MEGF9: variants seen among roughly 807,000 people sequenced by gnomAD.
The protein encoded by MEGF9 is multiple EGF like domains 9.
Under a neutral mutation model 46.8 loss-of-function variants are expected in MEGF9, and 6 were observed. That is an observed-to-expected ratio of 0.13 (90% CI 0.07 to 0.25). The LOEUF is 0.25. Among genes scored for constraint, MEGF9 ranks in the 10% least tolerant of loss-of-function variants. The pLI is 1.00. For synonymous variants in MEGF9, 302 were observed against 330.7 expected, an observed-to-expected ratio of 0.91 and a Z score of 0.94; for missense variants, 683 against 792.4, an observed-to-expected ratio of 0.86 and a Z score of 1.66.
intron 2 of MEGF9, among the ~76,000 whole-genome samples, chr9:120,648,627 A>G (rs192722093): frequency 1.3e-3 from 192 of 152,314 alleles, no homozygotes; most frequent in Non-Finnish European, 1.8e-3. Flanking sequence ...TATGGTTGGC[A>G]AATGCAATGT....
At chr9:120,623,762 A>G (rs1184597853) in intron 2 of MEGF9, among the ~76,000 whole-genome samples, 2 of 152,228 alleles carry the variant, frequency 1.3e-5, no homozygotes, top group Non-Finnish European at 1.5e-5. Flanking sequence ...ATGACTCAAT[A>G]AGAAGGAACC....
At chr9:120,650,438 A>G (rs1431148184) in intron 2 of MEGF9, among the ~76,000 whole-genome samples, 1 of 152,254 alleles carries the variant, frequency 6.6e-6, no homozygotes. Context: ...GATACTGTAC[A>G]CCAACTCCTT....
At chr9:120,670,222 G>A (rs529134890) in intron 1 of MEGF9, among the ~76,000 whole-genome samples, 76 of 152,116 alleles carry the variant, frequency 5.0e-4, no homozygotes, top group African/African-American at 1.6e-3. Context: ...TCAGCCTCCC[G>A]AGTAGCTGGG....
At chr9:120,688,561 C>A (rs2043834639) in intron 1 of MEGF9, among the ~76,000 whole-genome samples, 1 of 152,116 alleles carries the variant, frequency 6.6e-6, no homozygotes, top group Non-Finnish European at 1.5e-5. Context: ...GACCTTACAT[C>A]TTAGAAATGG....
rs575735648 is a variant in MEGF9 at position 120,681,113 on chromosome 9, T to C, written c.602-21538A>G. 2.0e-5 allele frequency among the ~76,000 whole-genome samples: 3 copies of C among 152,164 alleles called. No homozygotes were observed. The East Asian group carries it at 5.8e-4, about 30-fold the overall frequency. On this transcript the variant is annotated intron_variant, in intron 1 of 5. Coordinates refer to ENST00000373930, the MANE Select transcript of MEGF9 (RefSeq NM_001080497.3). Reference sequence around the variant, plus strand: ...CTCAAACAGAAGGAGTCTTTCACCATAGCCACCACAGCTGGGAATGTGCTG... The same window carrying C: ...CTCAAACAGAAGGAGTCTTTCACCACAGCCACCACAGCTGGGAATGTGCTG...
intron 1 of MEGF9, among the ~76,000 whole-genome samples, chr9:120,666,451 A>G (rs1235294123): frequency 6.6e-6 from 1 of 152,252 alleles, no homozygotes; most frequent in Admixed American, 6.5e-5. Context: ...AAAGGCAATG[A>G]GTATCCCTCT....
intron 1 of MEGF9, among the ~76,000 whole-genome samples, chr9:120,702,599 T>A (rs1366889254): frequency 2.6e-5 from 4 of 152,254 alleles, no homozygotes; most frequent in Non-Finnish European, 5.9e-5. Flanking sequence ...CATTTTAATG[T>A]AAGTTCATAA....
intron 1 of MEGF9, among the ~76,000 whole-genome samples, chr9:120,676,337 A>C (rs1182178658): frequency 2.0e-5 from 3 of 152,204 alleles, no homozygotes; most frequent in African/African-American, 4.8e-5. Context: ...CTTTTATATC[A>C]GTGAAATTTT....
intron 1 of MEGF9, among the ~76,000 whole-genome samples, chr9:120,678,539 C>A (rs895386426): frequency 6.6e-6 from 1 of 152,182 alleles, no homozygotes; most frequent in African/African-American, 2.4e-5. Flanking sequence ...GTAGCATGAT[C>A]TTGGCTCACT....
chr9:120,644,973 T>C (rs966637186), intron 2 of MEGF9, among the ~76,000 whole-genome samples: 2 of 152,226 alleles, frequency 1.3e-5, no homozygotes, highest in East Asian at 1.9e-4. Context: ...GCAAGAGAAG[T>C]GTGCAATTGC....
In MEGF9 at chr9:120,713,968, C is replaced by T; in HGVS notation, c.391G>A (p.Glu131Lys). The change falls in exon 1 of 6, where the codon GAA (glutamate) becomes AAA (lysine). Residue 131 changes from glutamate to lysine, a missense_variant. Transcript: ENST00000373930. ...GPSPTTPPAA[E>K]RTSTTSQAPT... ...GCCTGAGAGGTGGTCGAAGTGCGTT[C>T]CGCCGCCGGAGGGGTGGTCGGCGAG... 2.2e-6 allele frequency: 3 copies of T among 1,381,538 alleles called. No individual in the cohort carries two copies. Among genetic ancestry groups the T allele is most frequent in the Non-Finnish European group, 2.8e-6 (3 of 1,063,590 alleles). 85.6% of individuals were successfully genotyped at this position (1,381,538 alleles called of 1,614,324 possible).
intron 2 of MEGF9, among the ~76,000 whole-genome samples, chr9:120,630,896 A>C (rs941363010): frequency 1.3e-5 from 2 of 152,220 alleles, no homozygotes; most frequent in African/African-American, 4.8e-5. Context: ...CTTTCAGATG[A>C]ATAGTTTGCA....
At chr9:120,613,311 C>T (rs7861679) in intron 3 of MEGF9, among the ~76,000 whole-genome samples, 92,191 of 151,630 alleles carry the variant, frequency 0.61, 29,730 homozygotes, top group South Asian at 0.73. Context: ...ATGTGGATTG[C>T]GAGGGTATAG....
intron 1 of MEGF9, chr9:120,689,967 T>G (rs762565901): frequency 1.9e-6 from 1 of 532,626 alleles, no homozygotes; most frequent in Non-Finnish European, 3.9e-6. Flanking sequence ...CATGACTGGC[T>G]GTGTAAGAGG....
chr9:120,714,273 G>A lies in MEGF9; in HGVS notation c.86C>T (p.Ala29Val), dbSNP rs1372353281. 3 of 1,069,280 alleles carry A rather than the reference G, an allele frequency of 2.8e-6. No homozygotes were observed. Among genetic ancestry groups the A allele is most frequent in the South Asian group, 3.6e-5 (1 of 27,806 alleles). The allele number at this position is 1,069,280 out of a possible 1,614,324, so 66.2% of individuals were successfully genotyped here. The change falls in exon 1 of 6, where the codon GCC (alanine) becomes GTC (valine). Residue 29 changes from alanine to valine, a missense_variant. This residue lies in a region of MEGF9 where 370 missense variants were observed against 371.3 expected (regional missense o/e 1.00). Coordinates refer to ENST00000373930, the MANE Select transcript of MEGF9 (RefSeq NM_001080497.3). ...ALLCCAAAAA[A>V]AAVASAASAG... is the part of the protein sequence containing the mutation. ...CGAGGCGGCTGAGGCGACGGCGGCG[G>A]CGGCGGCGGCGGCGGCGCAGCACAA...
intron 3 of MEGF9, among the ~76,000 whole-genome samples, chr9:120,615,592 G>T (rs1345177382): frequency 6.6e-6 from 1 of 151,814 alleles, no homozygotes; most frequent in Non-Finnish European, 1.5e-5. Flanking sequence ...AAAAATGAAA[G>T]CAAGTATAAG....
chr9:120,711,321 T>C (rs1283255984), intron 1 of MEGF9, among the ~76,000 whole-genome samples: 2 of 152,220 alleles, frequency 1.3e-5, no homozygotes, highest in African/African-American at 4.8e-5. Flanking sequence ...AAGTAGACCC[T>C]AGATACCGAT....
intron 1 of MEGF9, among the ~76,000 whole-genome samples, chr9:120,710,537 A>G (rs2043948556): frequency 6.6e-6 from 1 of 152,062 alleles, no homozygotes; most frequent in Non-Finnish European, 1.5e-5. Flanking sequence ...CAGTTTGCAG[A>G]TCAGTGTCCT....
intron 3 of MEGF9, among the ~76,000 whole-genome samples, chr9:120,614,357 C>T (rs2043462127): frequency 6.6e-6 from 1 of 152,128 alleles, no homozygotes; most frequent in Admixed American, 6.6e-5. Context: ...TGAAAGATAC[C>T]TTCAAAAGTT....
Sources: gnomAD v4.1 joint callset for allele counts (sites outside exome capture counted in the v4.1 genomes callset) on GRCh38, gnomAD v4.1.1 for gene constraint, gnomAD v4.1.1 regional missense constraint, MANE v1.5 for transcripts, NCBI Gene and HGNC (gene_info 2026-07-23, HGNC 2026-07-21) for gene names.